Variants in AREL1 observed in about 807,000 individuals in gnomAD.
The protein encoded by AREL1 is apoptosis resistant E3 ubiquitin protein ligase 1.
AREL1 carries 62 observed loss-of-function variants against 99.0 expected under a neutral mutation model. The ratio of observed to expected loss-of-function variants is 0.63; its 90% CI spans 0.51 to 0.77. The LOEUF (loss-of-function observed/expected upper bound fraction) is 0.77. AREL1 is among the 30% of genes least tolerant of loss of function. The pLI, the probability that AREL1 is intolerant of heterozygous loss-of-function variation, is 0.00. For synonymous variants in AREL1, 380 were observed against 376.5 expected, an observed-to-expected ratio of 1.01 and a Z score of -0.11; for missense variants, 879 against 1,027.6, an observed-to-expected ratio of 0.86 and a Z score of 1.98.
chr14:74,672,046 T>C (rs1433875861), intron 11 of AREL1: 5 of 453,974 alleles, frequency 1.1e-5, no homozygotes, highest in Non-Finnish European at 2.2e-5. Context: ...ACTATGCCAG[T>C]GTCTGTGCAG....
At chr14:74,699,733 T>C (rs2090048548) in intron 1 of AREL1, among the ~76,000 whole-genome samples, 1 of 152,220 alleles carries the variant, frequency 6.6e-6, no homozygotes, top group Non-Finnish European at 1.5e-5. Flanking sequence ...TACATCATTT[T>C]GTTTGAAGGA....
intron 5 of AREL1, among the ~76,000 whole-genome samples, chr14:74,682,302 A>AC (rs1240252178): frequency 6.6e-6 from 1 of 152,150 alleles, no homozygotes; most frequent in Non-Finnish European, 1.5e-5. Context: ...TTACCCAGGG[A>AC]CCCCAGGTCC....
intron 2 of AREL1, among the ~76,000 whole-genome samples, chr14:74,690,163 G>A (rs2089843539): frequency 6.6e-6 from 1 of 150,858 alleles, no homozygotes; most frequent in Admixed American, 6.6e-5. Flanking sequence ...GGGCATCTGA[G>A]GCAGAAGGAT....
At position 74,675,570 on chromosome 14, in the gene AREL1, G is replaced by T. The variant is rs75525848; in HGVS notation, c.1080+129C>A. The T allele has an allele frequency of 8.9e-3, 11,579 of 1,301,720 alleles. 327 individuals carry two copies. Among genetic ancestry groups the T allele is most frequent in the African/African-American group, 0.081 (5,492 of 67,390 alleles). 80.6% of individuals were successfully genotyped at this position (1,301,720 alleles called of 1,614,324 possible). On this transcript the variant is annotated intron_variant, in intron 8 of 19. Transcript: ENST00000356357. ...AAGAAATTTTTAACAGTTGAAAGTGGCTTTCTATACAACTAGTTAACAATC... is the reference window on the plus strand; with the variant it reads ...AAGAAATTTTTAACAGTTGAAAGTGTCTTTCTATACAACTAGTTAACAATC...
In AREL1 at chr14:74,664,095, C is replaced by T. The variant is rs776020904; in HGVS notation, c.2194-21G>A. 15 of 1,607,206 alleles carry T rather than the reference C, an allele frequency of 9.3e-6. No homozygotes were observed. The South Asian group carries it at 1.7e-4, about 18-fold the overall frequency. On this transcript the variant is annotated intron_variant, in intron 18 of 19. Transcript: ENST00000356357. ...ATGACCTGGCAGGGAGAGCACAAGG[C>T]TGGGATCACACACAGTAAACAAGCT... is the stretch of plus-strand genomic sequence containing the variant.
At chr14:74,705,403 A>G (rs973734522) in intron 1 of AREL1, among the ~76,000 whole-genome samples, 1 of 152,060 alleles carries the variant, frequency 6.6e-6, no homozygotes, top group African/African-American at 2.4e-5. Context: ...TCCTCTCTTC[A>G]ATCTAGTAAA....
At chr14:74,676,089 GC>G in intron 7 of AREL1, 51 bp downstream of exon 7, 1 of 1,581,504 alleles carries the variant, frequency 6.3e-7, no homozygotes, top group Non-Finnish European at 8.6e-7. Flanking sequence ...GTGCAAACAG[GC>G]AAAGAAACGG....
intron 5 of AREL1, among the ~76,000 whole-genome samples, chr14:74,678,777 T>C (rs1269933178): frequency 6.6e-6 from 1 of 151,336 alleles, no homozygotes; most frequent in Non-Finnish European, 1.5e-5. Flanking sequence ...TAAATACACA[T>C]TTTCAAACTG....
At chr14:74,694,624 A>C (rs1260788882) in intron 1 of AREL1, among the ~76,000 whole-genome samples, 2 of 152,158 alleles carry the variant, frequency 1.3e-5, no homozygotes, top group African/African-American at 4.8e-5. Context: ...TGGAGAACAC[A>C]TTTTTGGTGG....
chr14:74,667,180 G>C, intron 17 of AREL1, 139 bp downstream of exon 17: 2 of 889,974 alleles, frequency 2.2e-6, no homozygotes, highest in Non-Finnish European at 1.8e-6. Context: ...TCAATGAATG[G>C]AGGAGCGACA....
At chr14:74,676,788 T>C in intron 5 of AREL1, 36 bp from the exon 6 acceptor site, 1 of 1,421,006 alleles carries the variant, frequency 7.0e-7, no homozygotes, top group Non-Finnish European at 9.3e-7. Context: ...CATTTATTTA[T>C]TTTATTTTTT....
intron 4 of AREL1, 105 bp downstream of exon 4, chr14:74,684,349 T>G (rs541753790): frequency 2.0e-6 from 2 of 1,018,140 alleles, no homozygotes; most frequent in Non-Finnish European, 2.9e-6. Flanking sequence ...CTGGAGGGAG[T>G]TGAAAAACAA....
intron 18 of AREL1, among the ~76,000 whole-genome samples, chr14:74,664,332 G>A (rs1381159948): frequency 1.3e-5 from 2 of 152,070 alleles, no homozygotes; most frequent in African/African-American, 4.8e-5. Flanking sequence ...ACAGCCCTTA[G>A]GGATCAGGGC....
chr14:74,673,964 A>C, intron 9 of AREL1, 70 bp downstream of exon 9: 2 of 1,381,418 alleles, frequency 1.4e-6, no homozygotes, highest in Non-Finnish European at 2.0e-6. Flanking sequence ...CTTCTGAGAA[A>C]AAATAAAAGG....
At chr14:74,704,546 ACT>A (rs1044098908) in intron 1 of AREL1, among the ~76,000 whole-genome samples, 1 of 152,008 alleles carries the variant, frequency 6.6e-6, no homozygotes, top group African/African-American at 2.4e-5. Context: ...GCAGGGGATG[ACT>A]CTGAACAGAA....
At chr14:74,671,354 G>T (rs1320086303) in intron 12 of AREL1, 54 bp downstream of exon 12, 2 of 283,728 alleles carry the variant, frequency 7.0e-6, no homozygotes, top group African/African-American at 2.5e-5. Context: ...TTGTGGAGAA[G>T]GTGCGAGTGG....
chr14:74,661,999 C>T lies in AREL1; in HGVS notation c.*1721G>A, dbSNP rs931010902. The T allele has an allele frequency of 6.5e-6, 1 of 152,724 alleles. No individual in the cohort carries two copies. The highest frequency in any genetic ancestry group is 2.4e-5 in the African/African-American group (1 of 41,432). 9.5% of individuals were successfully genotyped at this position (152,724 alleles called of 1,614,324 possible). A position where few individuals can be genotyped will look rare whatever the true frequency, so the allele number is the denominator to read the frequency against. ...TTATGTTTCCCAGGGTGGTGATAAA[C>T]CTTCCGGTACATATCCCATGGGAAA... On this transcript the variant is annotated 3_prime_UTR_variant, in exon 20 of 20. Transcript: ENST00000356357.
chr14:74,664,673 T>G (rs2089171916), intron 18 of AREL1, among the ~76,000 whole-genome samples, 163 bp downstream of exon 18: 1 of 149,776 alleles, frequency 6.7e-6, no homozygotes, highest in Non-Finnish European at 1.5e-5. Context: ...GTGGCCAGGC[T>G]GGTCTCAAAA....
intron 2 of AREL1, among the ~76,000 whole-genome samples, chr14:74,690,237 C>T (rs2089845729): frequency 7.6e-6 from 1 of 132,050 alleles, no homozygotes; most frequent in Non-Finnish European, 1.5e-5. Context: ...TGCACTCCAA[C>T]TGCACAACAG....
Sources: gnomAD v4.1 joint callset for allele counts (sites outside exome capture counted in the v4.1 genomes callset) on GRCh38, gnomAD v4.1.1 for gene constraint, MANE v1.5 for transcripts, NCBI Gene and HGNC (gene_info 2026-07-23, HGNC 2026-07-21) for gene names.